DHRSX: variants seen among roughly 807,000 people sequenced by gnomAD.
DHRSX encodes dehydrogenase/reductase X-linked, also known as polyprenol dehydrogenase.
Under a neutral mutation model 34.0 loss-of-function variants are expected in DHRSX, and 31 were observed. That is an observed-to-expected ratio of 0.91 (90% CI 0.69 to 1.23). The LOEUF is 1.23. Among genes scored for constraint, DHRSX ranks in the 50% most tolerant of loss-of-function variants. DHRSX has a pLI of 0.00. For synonymous variants in DHRSX, 201 were observed against 183.8 expected (o/e 1.09, Z -0.76); for missense variants, 414 against 428.1 (o/e 0.97, Z 0.29).
intron 1 of DHRSX, among the ~76,000 whole-genome samples, chrX:2,483,345 C>T (rs1186959012): frequency 6.6e-6 from 1 of 152,122 alleles, no homozygotes; most frequent in Non-Finnish European, 1.5e-5. Context: ...CTCACTGCAG[C>T]CTCCAACTCC....
At chrX:2,231,531 C>T (rs768603489) in intron 6 of DHRSX, among the ~76,000 whole-genome samples, 8 of 150,208 alleles carry the variant, frequency 5.3e-5, no homozygotes, top group Admixed American at 4.7e-4. Flanking sequence ...TTATCCTCCT[C>T]CTATTCTTCT....
intron 1 of DHRSX, among the ~76,000 whole-genome samples, chrX:2,435,530 A>G (rs1241191457): frequency 1.1e-4 from 16 of 152,032 alleles, no homozygotes; most frequent in African/African-American, 3.6e-4. Context: ...TTAGGAGGTC[A>G]GGGTGAGACA....
In DHRSX at chrX:2,480,919, T is replaced by C. The variant is rs758247660; in HGVS notation, c.109+19898A>G. Among the ~76,000 whole-genome samples the C allele has an allele frequency of 2.6e-5, 4 of 152,302 alleles. No homozygotes were observed. The South Asian group carries it at 8.3e-4, about 32-fold the overall frequency. ...AGTGATTATCATTAATAATAATACA[T>C]TGCGTTTTTCAAAATGACTAAAAGT... On this transcript the variant is annotated intron_variant, in intron 1 of 6. Transcript: ENST00000334651.
intron 5 of DHRSX, 103 bp downstream of exon 5, chrX:2,266,637 C>G: frequency 8.7e-7 from 1 of 1,153,066 alleles, no homozygotes; most frequent in Non-Finnish European, 1.3e-6. Flanking sequence ...AGAGCACCAG[C>G]GTCCAGCAGA....
At chrX:2,295,540 G>A (rs2041921916) in intron 3 of DHRSX, among the ~76,000 whole-genome samples, 1 of 152,064 alleles carries the variant, frequency 6.6e-6, no homozygotes, top group Non-Finnish European at 1.5e-5. Context: ...AAACTTGCAC[G>A]TTCTGTACAT....
intron 5 of DHRSX, among the ~76,000 whole-genome samples, chrX:2,266,408 T>C (rs1223713821): frequency 6.4e-5 from 8 of 125,700 alleles, no homozygotes; most frequent in African/African-American, 1.2e-4. Flanking sequence ...GTACAGCAGA[T>C]GCAGGGAGCA....
At chrX:2,311,880 A>G (rs778165093) in intron 3 of DHRSX, among the ~76,000 whole-genome samples, 1 of 152,282 alleles carries the variant, frequency 6.6e-6, no homozygotes, top group East Asian at 1.9e-4. Context: ...AGAAGTTACC[A>G]AGGGTCTACC....
chrX:2,351,381 T>A (rs2042787127), intron 3 of DHRSX, among the ~76,000 whole-genome samples: 1 of 152,202 alleles, frequency 6.6e-6, no homozygotes, highest in South Asian at 2.1e-4. Flanking sequence ...ACTAAGTCTT[T>A]AAATAAAAAC....
rs774456165 is a variant in DHRSX, at chrX:2,494,392, T to C, written c.109+6425A>G. 7.9e-5 allele frequency among the ~76,000 whole-genome samples: 12 copies of C among 152,070 alleles called. No individual in the cohort carries two copies. In the South Asian group the frequency reaches 1.2e-3, roughly 16 times the overall value. ...ACCTGGAGCAAAGGTTTTTATTCTA[T>C]TATTATTACTTTTGTTATTAGGCTG... On this transcript the variant is annotated intron_variant, in intron 1 of 6. Coordinates refer to ENST00000334651, the MANE Select transcript of DHRSX (RefSeq NM_145177.3).
chrX:2,234,105 GC>G (rs1420139470), intron 6 of DHRSX, among the ~76,000 whole-genome samples: 1 of 152,216 alleles, frequency 6.6e-6, no homozygotes, highest in Non-Finnish European at 1.5e-5. Flanking sequence ...GCTATCATGA[GC>G]CCTGATCCAT....
chrX:2,488,109 G>A (rs7057630), intron 1 of DHRSX: 14,614 of 152,626 alleles, frequency 0.096, 2,337 homozygotes, highest in African/African-American at 0.33. Flanking sequence ...AGCGTTGGCA[G>A]TTCCCAAGCA....
At chrX:2,290,486 T>C (rs1023885416) in intron 4 of DHRSX, among the ~76,000 whole-genome samples, 2 of 152,124 alleles carry the variant, frequency 1.3e-5, no homozygotes, top group African/African-American at 4.8e-5. Flanking sequence ...ATGGTCTAGG[T>C]GGGTAATGGA....
At chrX:2,357,906 G>T (rs1328777876) in intron 3 of DHRSX, among the ~76,000 whole-genome samples, 1 of 152,050 alleles carries the variant, frequency 6.6e-6, no homozygotes, top group South Asian at 2.1e-4. Context: ...CATCACTGGG[G>T]TGTGGCTACC....
intron 3 of DHRSX, among the ~76,000 whole-genome samples, chrX:2,313,541 G>C (rs1029156722): frequency 4.6e-5 from 7 of 151,806 alleles, no homozygotes; most frequent in Non-Finnish European, 8.8e-5. Flanking sequence ...GCTAATTTTT[G>C]TATTTTTAGT....
At chrX:2,402,615 A>G (rs73630301) in intron 3 of DHRSX, among the ~76,000 whole-genome samples, 5,585 of 152,304 alleles carry the variant, frequency 0.037, 342 homozygotes, top group African/African-American at 0.13. Flanking sequence ...AGCATCATCT[A>G]TCAAGGACTG....
intron 1 of DHRSX, among the ~76,000 whole-genome samples, chrX:2,495,264 A>T (rs2045252637): frequency 6.6e-6 from 1 of 151,486 alleles, no homozygotes; most frequent in South Asian, 2.1e-4. Context: ...GCAAAGGTTT[A>T]TATTTTATCA....
intron 6 of DHRSX, among the ~76,000 whole-genome samples, chrX:2,230,902 G>GT (rs1281550946): frequency 2.6e-5 from 4 of 152,094 alleles, no homozygotes; most frequent in African/African-American, 9.7e-5. Context: ...TATTGGTCCT[G>GT]TTTTTCTTGA....
At chrX:2,313,427 G>A (rs1052099600) in intron 3 of DHRSX, among the ~76,000 whole-genome samples, 1 of 151,562 alleles carries the variant, frequency 6.6e-6, no homozygotes, top group Non-Finnish European at 1.5e-5. Context: ...GGAGTGCAGT[G>A]GTGCCATCTC....
intron 1 of DHRSX, among the ~76,000 whole-genome samples, chrX:2,490,972 G>A (rs1168758054): frequency 6.6e-6 from 1 of 151,872 alleles, no homozygotes; most frequent in Non-Finnish European, 1.5e-5. Flanking sequence ...TTTCTTCCAC[G>A]TTAATCCGAC....
Sources: gnomAD v4.1 joint callset for allele counts (sites outside exome capture counted in the v4.1 genomes callset) on GRCh38, gnomAD v4.1.1 for gene constraint, MANE v1.5 for transcripts, NCBI Gene and HGNC (gene_info 2026-07-23, HGNC 2026-07-21) for gene names.